The following RNF13 variants were observed in gnomAD, a reference collection of about 807,000 sequenced individuals.
RNF13 encodes E3 ubiquitin-protein ligase RNF13.
Under a neutral mutation model 37.7 loss-of-function variants are expected in RNF13, and 19 were observed. The observed-to-expected ratio is 0.50, with a 90% CI of 0.35 to 0.74. The LOEUF (loss-of-function observed/expected upper bound fraction) is 0.74, where lower values mean the gene tolerates loss of function less well. Ranked by LOEUF, RNF13 falls within the 30% of genes least tolerant of loss-of-function variation. The probability of loss-of-function intolerance (pLI) is 0.01; values close to 1 mark genes in which losing one functional copy is unlikely to be tolerated. For missense variants in RNF13, 375 were observed against 453.0 expected (o/e 0.83, Z 1.56); for synonymous variants, 144 against 157.8 (o/e 0.91, Z 0.65).
In RNF13 at chr3:149,846,050, C is replaced by T. The variant is rs1722611739; in HGVS notation, c.24C>T (p.Leu8=). The change falls in exon 2 of 10, where the codon CTC becomes CTT. Residue 8 remains leucine (L), a synonymous_variant. Coordinates refer to ENST00000392894, the MANE Select transcript of RNF13 (RefSeq NM_183381.3). ...AGATGCTGCTCTCCATAGGGATGCT[C>T]ATGCTGTCAGCCACACAAGTCTACA... MLLSIGM[L]MLSATQVYTI... 6.2e-7 allele frequency: 1 copy of T among 1,611,440 alleles called. No individual in the cohort carries two copies. The highest frequency in any genetic ancestry group is 2.2e-5 in the East Asian group (1 of 44,806).
intron 1 of RNF13, among the ~76,000 whole-genome samples, chr3:149,841,881 C>T (rs185860440): frequency 4.1e-4 from 63 of 152,268 alleles, no homozygotes; most frequent in African/African-American, 1.3e-3. Context: ...CCACCTGCCT[C>T]GGCCTCCCAA....
At chr3:149,815,738 A>T (rs113123651) in intron 1 of RNF13, among the ~76,000 whole-genome samples, 2 of 152,350 alleles carry the variant, frequency 1.3e-5, no homozygotes, top group East Asian at 1.9e-4. Context: ...ACAACACAGC[A>T]TATGATTGGT....
intron 1 of RNF13, among the ~76,000 whole-genome samples, chr3:149,832,193 T>G (rs184524973): frequency 6.6e-6 from 1 of 152,268 alleles, no homozygotes; most frequent in African/African-American, 2.4e-5. Context: ...GTGGAATATT[T>G]TGGTCCAGTT....
chr3:149,856,680 C>T (rs908056712), intron 3 of RNF13, among the ~76,000 whole-genome samples: 3 of 152,104 alleles, frequency 2.0e-5, no homozygotes, highest in Non-Finnish European at 2.9e-5. Context: ...TGGCTTCAAG[C>T]AATCCTCCTG....
intron 8 of RNF13, chr3:149,939,335 T>A: frequency 4.4e-6 from 2 of 457,544 alleles, no homozygotes; most frequent in South Asian, 3.4e-5. Flanking sequence ...CAGCAAGTTT[T>A]ACTTTTTTCT....
intron 5 of RNF13, among the ~76,000 whole-genome samples, chr3:149,901,358 AGCAACATTAAGAGGATTGTTTTTCTTTC>A (rs1261158752): frequency 1.1e-4 from 16 of 152,334 alleles, no homozygotes; most frequent in African/African-American, 3.8e-4. Flanking sequence ...TTTTTCTATT[AGCAACATTAAGAGGATTGTTTTTCTTTC>A]TATTCCTGAG....
intron 5 of RNF13, among the ~76,000 whole-genome samples, chr3:149,895,813 A>C (rs148041616): frequency 6.6e-6 from 1 of 152,248 alleles, no homozygotes; most frequent in Non-Finnish European, 1.5e-5. Context: ...TGGGGGAAAC[A>C]GCTTTAATAG....
chr3:149,902,308 CGTA>C (rs1715931991), intron 6 of RNF13, 146 bp downstream of exon 6: 3 of 443,386 alleles, frequency 6.8e-6, no homozygotes, highest in East Asian at 3.8e-5. Context: ...GCTTTTAAGA[CGTA>C]GTATTTTAAA....
intron 8 of RNF13, among the ~76,000 whole-genome samples, chr3:149,955,393 G>T (rs1000014251): frequency 6.6e-6 from 1 of 151,786 alleles, no homozygotes; most frequent in African/African-American, 2.4e-5. Context: ...TTTGCCCAGG[G>T]CTTGGAAATA....
chr3:149,867,046 A>C (rs1711498843), intron 3 of RNF13, among the ~76,000 whole-genome samples: 1 of 151,958 alleles, frequency 6.6e-6, no homozygotes, highest in South Asian at 2.1e-4. Flanking sequence ...TCGGTTATTG[A>C]TTCTTTGTTG....
intron 8 of RNF13, chr3:149,939,356 T>G: frequency 2.1e-6 from 1 of 466,004 alleles, no homozygotes; most frequent in Non-Finnish European, 4.1e-6. Context: ...GTGGAACTTT[T>G]CTGCCACCTC....
At chr3:149,948,993 A>C (rs1576589012) in intron 8 of RNF13, among the ~76,000 whole-genome samples, 1 of 151,934 alleles carries the variant, frequency 6.6e-6, no homozygotes, top group Non-Finnish European at 1.5e-5. Flanking sequence ...ATGCCACTGC[A>C]CTCCAGCCTG....
At chr3:149,947,606 A>G (rs1436344524) in intron 8 of RNF13, among the ~76,000 whole-genome samples, 5 of 151,912 alleles carry the variant, frequency 3.3e-5, no homozygotes, top group African/African-American at 7.3e-5. Context: ...AGGTTTCACT[A>G]TATTGGCCAG....
At chr3:149,907,466 G>A (rs1194216603) in intron 6 of RNF13, among the ~76,000 whole-genome samples, 1 of 152,102 alleles carries the variant, frequency 6.6e-6, no homozygotes, top group Non-Finnish European at 1.5e-5. Context: ...AAAAAGGATG[G>A]TATATTCTGG....
chr3:149,880,702 C>T (rs1445339734), intron 4 of RNF13, among the ~76,000 whole-genome samples: 3 of 152,092 alleles, frequency 2.0e-5, no homozygotes, highest in African/African-American at 4.8e-5. Flanking sequence ...GTTCCAGCTA[C>T]AGTATTAAGC....
At chr3:149,859,813 G>A (rs1322340759) in intron 3 of RNF13, among the ~76,000 whole-genome samples, 2 of 152,078 alleles carry the variant, frequency 1.3e-5, no homozygotes, top group Non-Finnish European at 2.9e-5. Context: ...GCAGTCTACA[G>A]ATTCAATGAA....
intron 8 of RNF13, among the ~76,000 whole-genome samples, chr3:149,953,712 T>C (rs1346579680): frequency 1.3e-5 from 2 of 152,182 alleles, no homozygotes; most frequent in African/African-American, 4.8e-5. Context: ...GGGCTGGAAT[T>C]CTGGATCCCC....
intron 8 of RNF13, 26 bp from the exon 9 acceptor site, chr3:149,960,030 G>C: frequency 6.6e-7 from 1 of 1,517,634 alleles, no homozygotes; most frequent in South Asian, 1.1e-5. Context: ...TGAAAAAATA[G>C]TTCTCTACAT....
chr3:149,818,897 C>T (rs779697938), intron 1 of RNF13, among the ~76,000 whole-genome samples: 26 of 151,922 alleles, frequency 1.7e-4, no homozygotes, highest in South Asian at 8.3e-4. Flanking sequence ...GGTGACAGAG[C>T]GTGACTCTGT....
Sources: allele counts gnomAD v4.1 joint callset (sites outside exome capture counted in the v4.1 genomes callset), GRCh38; gene constraint gnomAD v4.1.1; transcripts MANE v1.5; gene names NCBI Gene and HGNC (gene_info 2026-07-23, HGNC 2026-07-21).